The following SHANK2 variants were observed in gnomAD, a reference collection of about 807,000 sequenced individuals.
SHANK2 encodes SH3 and multiple ankyrin repeat domains 2.
A neutral mutation model predicts 133.7 loss-of-function variants in SHANK2; 43 were observed. The observed-to-expected ratio is 0.32, with a 90% CI of 0.25 to 0.41. SHANK2 has a LOEUF of 0.41. SHANK2 is among the 10% of genes least tolerant of loss of function. SHANK2 has a pLI of 1.00. For synonymous variants in SHANK2, 1,017 were observed against 952.8 expected (o/e 1.07, Z -1.24); for missense variants, 1,994 against 2,235.8 (o/e 0.89, Z 2.18).
intron 17 of SHANK2, among the ~76,000 whole-genome samples, chr11:70,606,727 G>A (rs1398002322): frequency 2.0e-5 from 3 of 152,058 alleles, no homozygotes; most frequent in African/African-American, 7.2e-5. Context: ...GTTAGGAGCT[G>A]CCCAGGTGCA....
At chr11:71,088,478 G>A (rs1157224105) in intron 8 of SHANK2, among the ~76,000 whole-genome samples, 1 of 152,148 alleles carries the variant, frequency 6.6e-6, no homozygotes, top group Non-Finnish European at 1.5e-5. Flanking sequence ...CTGAGAACAA[G>A]ACTCATTATC....
At chr11:70,848,282 C>G (rs1466457846) in intron 11 of SHANK2, among the ~76,000 whole-genome samples, 3 of 152,138 alleles carry the variant, frequency 2.0e-5, no homozygotes, top group Non-Finnish European at 4.4e-5. Flanking sequence ...ATGTGCCTTA[C>G]AGCATGGGCT....
chr11:70,891,941 A>G (rs1247600607), intron 11 of SHANK2, among the ~76,000 whole-genome samples: 1 of 152,168 alleles, frequency 6.6e-6, no homozygotes, highest in Non-Finnish European at 1.5e-5. Flanking sequence ...AGAGAAAACA[A>G]CAGATTCTGT....
intron 17 of SHANK2, chr11:70,634,584 G>A (rs2061046307): frequency 6.6e-6 from 1 of 152,232 alleles, no homozygotes; most frequent in South Asian, 2.1e-4. Flanking sequence ...AAACTGGCCA[G>A]GTGAGGTGGC....
intron 14 of SHANK2, among the ~76,000 whole-genome samples, chr11:70,766,333 C>T (rs1947123663): frequency 6.6e-6 from 1 of 152,178 alleles, no homozygotes; most frequent in Admixed American, 6.5e-5. Flanking sequence ...GAGAAATATG[C>T]CTCTGTGTCA....
At chr11:70,594,746 ATGGAG>A (rs1301074282) in intron 17 of SHANK2, among the ~76,000 whole-genome samples, 3 of 152,130 alleles carry the variant, frequency 2.0e-5, no homozygotes, top group Admixed American at 6.5e-5. Flanking sequence ...GAGTGAATGA[ATGGAG>A]TGAAGAGTGA....
At position 70,487,499 on chromosome 11, in the gene SHANK2, C is replaced by G; in HGVS notation, c.2794G>C (p.Val932Leu). 1 of 1,613,998 alleles carries G rather than the reference C, an allele frequency of 6.2e-7. No homozygotes were observed. Among genetic ancestry groups the G allele is most frequent in the Non-Finnish European group, 8.5e-7 (1 of 1,180,034 alleles). The stretch of plus-strand genomic sequence containing the variant: ...GTGTCGGACCTGGTGGCGGGGGACA[C>G]CTTGGCGGCAGAATTCTGATTGAAC... ...PAFNQNSAAK[V>L]SPATRSDTVA... is the part of the protein sequence containing the mutation. The change falls in exon 25 of 26, where the codon GTG becomes CTG. Residue 932 changes from valine (V) to leucine (L), a missense_variant. This residue lies in a region of SHANK2 where 488 missense variants were observed against 642.6 expected (regional missense o/e 0.76). Coordinates refer to ENST00000601538, the MANE Select transcript of SHANK2 (RefSeq NM_012309.5). This position sits in a 1 kb window ranked among gnomAD's most constrained non-coding sequence, Gnocchi z 5.8.
At chr11:70,899,792 C>T (rs1191058502) in intron 10 of SHANK2, among the ~76,000 whole-genome samples, 1 of 152,202 alleles carries the variant, frequency 6.6e-6, no homozygotes, top group Non-Finnish European at 1.5e-5. Flanking sequence ...GGCATCTCTC[C>T]TGCACTCCTA....
At chr11:71,137,012 G>A (rs1555104892) in intron 3 of SHANK2, among the ~76,000 whole-genome samples, 2 of 152,018 alleles carry the variant, frequency 1.3e-5, no homozygotes, top group Non-Finnish European at 2.9e-5. Context: ...ACAGGCATGC[G>A]CCACCATGCC....
At chr11:70,751,310 G>T (rs1403383931) in intron 14 of SHANK2, among the ~76,000 whole-genome samples, 1 of 152,166 alleles carries the variant, frequency 6.6e-6, no homozygotes, top group Non-Finnish European at 1.5e-5. Flanking sequence ...TCATACAGAA[G>T]AAAAACCACA....
intron 14 of SHANK2, among the ~76,000 whole-genome samples, chr11:70,751,518 G>T (rs1044514268): frequency 1.3e-5 from 2 of 152,184 alleles, no homozygotes; most frequent in South Asian, 2.1e-4. Flanking sequence ...GAATGCCAAA[G>T]ATAATGCTTG....
At chr11:70,748,099 G>C (rs890868815) in intron 14 of SHANK2, among the ~76,000 whole-genome samples, 1 of 152,182 alleles carries the variant, frequency 6.6e-6, no homozygotes, top group Non-Finnish European at 1.5e-5. Flanking sequence ...TGACTTGTCT[G>C]AGATCACACA....
intron 12 of SHANK2, among the ~76,000 whole-genome samples, chr11:70,819,613 G>A (rs782663954): frequency 2.0e-5 from 3 of 152,316 alleles, no homozygotes; most frequent in South Asian, 2.1e-4. Context: ...GTTGGACGCC[G>A]AATGGGGTGC....
At chr11:70,702,245 C>T (rs1945542116) in intron 14 of SHANK2, among the ~76,000 whole-genome samples, 1 of 151,678 alleles carries the variant, frequency 6.6e-6, no homozygotes, top group Non-Finnish European at 1.5e-5. Context: ...GCGCATTCTT[C>T]ACTATCATCA....
chr11:70,878,086 C>T (rs1555071705), intron 11 of SHANK2, among the ~76,000 whole-genome samples: 1 of 152,230 alleles, frequency 6.6e-6, no homozygotes, highest in African/African-American at 2.4e-5. Context: ...AGGAGCAGGG[C>T]ACTGGGGGTC....
chr11:71,106,055 A>C (rs1170918954), intron 6 of SHANK2, among the ~76,000 whole-genome samples: 2 of 152,260 alleles, frequency 1.3e-5, no homozygotes, highest in East Asian at 3.8e-4. Flanking sequence ...CTAAAGCAAG[A>C]TATTACTAAC....
intron 6 of SHANK2, among the ~76,000 whole-genome samples, chr11:71,097,252 C>T (rs73521133): frequency 0.015 from 2,305 of 152,194 alleles, 52 homozygotes; most frequent in African/African-American, 0.052. Context: ...GCAAAGAGCA[C>T]GTCCGCTGAG....
chr11:71,126,029 C>T (rs1208274654), intron 3 of SHANK2, among the ~76,000 whole-genome samples: 3 of 151,842 alleles, frequency 2.0e-5, no homozygotes, highest in Non-Finnish European at 2.9e-5. Context: ...ACCAGCCTGG[C>T]CAACATGGTG....
intron 1 of SHANK2, among the ~76,000 whole-genome samples, chr11:71,244,000 T>C (rs958877362): frequency 5.3e-5 from 8 of 152,294 alleles, no homozygotes; most frequent in African/African-American, 1.7e-4. Flanking sequence ...AGACAATGCT[T>C]CCCAAGTCAT....
Sources: gnomAD v4.1 joint callset for allele counts (sites outside exome capture counted in the v4.1 genomes callset) on GRCh38, gnomAD v4.1.1 for gene constraint, gnomAD v4.1.1 regional missense constraint, Gnocchi (gnomAD v3.1) non-coding constraint, MANE v1.5 for transcripts, NCBI Gene and HGNC (gene_info 2026-07-23, HGNC 2026-07-21) for gene names.